The following GRM3 variants were observed in gnomAD, a reference collection of about 807,000 sequenced individuals.
GRM3 encodes metabotropic glutamate receptor 3.
Under a neutral mutation model 70.5 loss-of-function variants are expected in GRM3, and 26 were observed. The observed-to-expected ratio is 0.37, with a 90% CI of 0.27 to 0.51. The LOEUF (loss-of-function observed/expected upper bound fraction) is 0.51, where lower values mean the gene tolerates loss of function less well. Among genes scored for constraint, GRM3 ranks in the 20% least tolerant of loss-of-function variants. The pLI is 0.93. For missense variants in GRM3, 859 were observed against 1,123.8 expected, an observed-to-expected ratio of 0.76 and a Z score of 3.37; for synonymous variants, 443 against 434.9, an observed-to-expected ratio of 1.02 and a Z score of -0.23.
chr7:86,777,800 T>C (rs1206810915), intron 2 of GRM3, among the ~76,000 whole-genome samples: 4 of 152,194 alleles, frequency 2.6e-5, no homozygotes, highest in Non-Finnish European at 4.4e-5. Flanking sequence ...GTCAACTATA[T>C]ACCACCTCCA....
At chr7:86,704,990 G>C (rs947948509) in intron 1 of GRM3, among the ~76,000 whole-genome samples, 2 of 151,830 alleles carry the variant, frequency 1.3e-5, no homozygotes, top group African/African-American at 4.8e-5. Context: ...ATGCTGTATT[G>C]TTAGGCAATA....
At chr7:86,780,518 C>T (rs1015492261) in intron 2 of GRM3, among the ~76,000 whole-genome samples, 1 of 152,088 alleles carries the variant, frequency 6.6e-6, no homozygotes, top group African/African-American at 2.4e-5. Context: ...AAATGGGTAC[C>T]GCATAATATC....
At position 86,669,045 on chromosome 7, in the gene GRM3, G is replaced by A. The variant is rs557198035; in HGVS notation, c.-141+24173G>A. Reference sequence around the variant, plus strand: ...AAGATAGTAAGTATTTCTCCATGGAGTCATCTAAGACTCAAGACTTTAGCT... The same window carrying A: ...AAGATAGTAAGTATTTCTCCATGGAATCATCTAAGACTCAAGACTTTAGCT... On this transcript the variant is annotated intron_variant, in intron 1 of 5. Coordinates refer to ENST00000361669, the MANE Select transcript of GRM3 (RefSeq NM_000840.3). Among the ~76,000 whole-genome samples the A allele has an allele frequency of 2.0e-5, 3 of 152,196 alleles. No homozygotes were observed. The South Asian group carries it at 6.2e-4, about 32-fold the overall frequency.
At chr7:86,698,242 CAAAG>C (rs1794862979) in intron 1 of GRM3, among the ~76,000 whole-genome samples, 1 of 152,146 alleles carries the variant, frequency 6.6e-6, no homozygotes, top group African/African-American at 2.4e-5. Flanking sequence ...ATTCTTATGA[CAAAG>C]AACAACTGTG....
intron 1 of GRM3, among the ~76,000 whole-genome samples, chr7:86,656,737 T>C (rs1186467959): frequency 6.6e-6 from 1 of 152,132 alleles, no homozygotes; most frequent in African/African-American, 2.4e-5. Flanking sequence ...ACTCATTGAA[T>C]GTATGAGTGT....
chr7:86,754,258 G>C (rs991252345), intron 1 of GRM3, among the ~76,000 whole-genome samples: 5 of 151,996 alleles, frequency 3.3e-5, no homozygotes, highest in African/African-American at 9.7e-5. Context: ...TGTACACAAA[G>C]GTATCTACAA....
chr7:86,675,976 A>G (rs1794295743), intron 1 of GRM3, among the ~76,000 whole-genome samples: 2 of 152,054 alleles, frequency 1.3e-5, no homozygotes, highest in Admixed American at 6.6e-5. Flanking sequence ...ATAAGTGGAA[A>G]GAAACCCAAG....
chr7:86,862,547 A>G (rs1304361253), intron 5 of GRM3, among the ~76,000 whole-genome samples: 1 of 152,098 alleles, frequency 6.6e-6, no homozygotes. Flanking sequence ...ATAGCTTTTA[A>G]TGGGCTCGTA....
At position 86,864,436 on chromosome 7, in the gene GRM3, A is replaced by T; in HGVS notation, c.*81A>T. Reference sequence around the variant, plus strand: ...GTGCAGCTCCAGAATATGGAAACAGAGCAAAAGAACAACCCTAGTACCTTT... The same window carrying T: ...GTGCAGCTCCAGAATATGGAAACAGTGCAAAAGAACAACCCTAGTACCTTT... On this transcript the variant is annotated 3_prime_UTR_variant, in exon 6 of 6. Coordinates refer to ENST00000361669, the MANE Select transcript of GRM3 (RefSeq NM_000840.3). 1.0e-6 allele frequency: 1 copy of T among 977,788 alleles called. No homozygotes were observed. 60.6% of individuals were successfully genotyped at this position (977,788 alleles called of 1,614,324 possible). A position where few individuals can be genotyped will look rare whatever the true frequency, so the allele number is the denominator to read the frequency against.
intron 1 of GRM3, among the ~76,000 whole-genome samples, chr7:86,721,919 G>A (rs529752743): frequency 6.6e-6 from 1 of 152,250 alleles, no homozygotes; most frequent in African/African-American, 2.4e-5. Flanking sequence ...AAGCATGGAA[G>A]ATACCAGGAG....
chr7:86,766,134 G>A (rs1020089773), intron 2 of GRM3, among the ~76,000 whole-genome samples: 2 of 152,076 alleles, frequency 1.3e-5, no homozygotes, highest in Non-Finnish European at 2.9e-5. Context: ...CAGAGTGAAG[G>A]AGCTGGTAAG....
chr7:86,722,993 C>T (rs531931267), intron 1 of GRM3, among the ~76,000 whole-genome samples: 4 of 151,998 alleles, frequency 2.6e-5, no homozygotes, highest in Non-Finnish European at 4.4e-5. Context: ...CTGGAGTTGA[C>T]AATTCTTAGT....
chr7:86,840,304 G>A (rs1051087487), intron 4 of GRM3, among the ~76,000 whole-genome samples: 3 of 152,012 alleles, frequency 2.0e-5, no homozygotes, highest in South Asian at 2.1e-4. Context: ...AGGAGGACTC[G>A]GCTACCATGG....
rs1388333232 is a variant in GRM3 at position 86,746,341 on chromosome 7, T to TTTTATATATATATAAAATTA, written c.-140-18664_-140-18663insTTATATATATATAAAATTAT. ...TGACTAATAGAGGGTCAGTCATGTA[T>TTTTATATATATATAAAATTA]TATATATATATATATATATATATAT... On this transcript the variant is annotated intron_variant, in intron 1 of 5. Transcript: ENST00000361669. Among the ~76,000 whole-genome samples, 28 of 87,442 alleles carry TTTTATATATATATAAAATTA rather than the reference T, an allele frequency of 3.2e-4. 1 individual carries two copies. Among genetic ancestry groups the TTTTATATATATATAAAATTA allele is most frequent in the South Asian group, 1.7e-3 (4 of 2,314 alleles). 57.4% of individuals were successfully genotyped at this position (87,442 alleles called of 152,430 possible). A position where few individuals can be genotyped will look rare whatever the true frequency, so the allele number is the denominator to read the frequency against.
intron 1 of GRM3, among the ~76,000 whole-genome samples, chr7:86,701,616 AT>A (rs1794947890): frequency 1.3e-5 from 2 of 151,890 alleles, no homozygotes; most frequent in East Asian, 3.9e-4. Flanking sequence ...ATTAAATCTA[AT>A]TTATTCAAAG....
chr7:86,780,203 T>G (rs1354371843), intron 2 of GRM3, among the ~76,000 whole-genome samples: 4 of 152,344 alleles, frequency 2.6e-5, no homozygotes, highest in African/African-American at 9.6e-5. Context: ...TGTGTCTTTA[T>G]AGCAGCATGA....
rs114517874 is a variant in GRM3 at position 86,683,602 on chromosome 7, C to A, written c.-141+38730C>A. Reference sequence around the variant, plus strand: ...GAGTATCCAGAGAGATTGAAAGTAGCCAGGATAGCATTGATATCACCGACA... The same window carrying A: ...GAGTATCCAGAGAGATTGAAAGTAGACAGGATAGCATTGATATCACCGACA... On this transcript the variant is annotated intron_variant, in intron 1 of 5. Coordinates refer to ENST00000361669, the MANE Select transcript of GRM3 (RefSeq NM_000840.3). 1.2e-3 allele frequency among the ~76,000 whole-genome samples: 177 copies of A among 152,158 alleles called. 2 individuals carry two copies. Among genetic ancestry groups the A allele is most frequent in the African/African-American group, 3.9e-3 (164 of 41,534 alleles).
chr7:86,783,740 G>T (rs1797142579), intron 2 of GRM3, among the ~76,000 whole-genome samples: 1 of 152,076 alleles, frequency 6.6e-6, no homozygotes, highest in South Asian at 2.1e-4. Flanking sequence ...ATTTTAAAAG[G>T]AGCAGCTCAC....
intron 1 of GRM3, among the ~76,000 whole-genome samples, chr7:86,722,371 G>C (rs370127136): frequency 1.3e-5 from 2 of 152,024 alleles, no homozygotes; most frequent in East Asian, 3.9e-4. Context: ...GTCAATGATA[G>C]ACTGGATAAA....
Sources: allele counts gnomAD v4.1 joint callset (sites outside exome capture counted in the v4.1 genomes callset), GRCh38; gene constraint gnomAD v4.1.1; transcripts MANE v1.5; gene names NCBI Gene and HGNC (gene_info 2026-07-23, HGNC 2026-07-21).